SNX29: variants seen among roughly 807,000 people sequenced by gnomAD.
The protein encoded by SNX29 is sorting nexin 29.
Under a neutral mutation model 102.1 loss-of-function variants are expected in SNX29, and 78 were observed. The ratio of observed to expected loss-of-function variants is 0.76; its 90% CI spans 0.64 to 0.92. SNX29 has a LOEUF of 0.92. Among genes scored for constraint, SNX29 ranks in the 40% least tolerant of loss-of-function variants. SNX29 has a pLI of 0.00. For synonymous variants in SNX29, 580 were observed against 414.5 expected, an observed-to-expected ratio of 1.40 and a Z score of -4.85; for missense variants, 1,280 against 1,061.7, an observed-to-expected ratio of 1.21 and a Z score of -2.86.
chr16:12,551,128 G>T (rs1052655475), intron 20 of SNX29, among the ~76,000 whole-genome samples: 1 of 152,080 alleles, frequency 6.6e-6, no homozygotes, highest in Non-Finnish European at 1.5e-5. Context: ...ATGGAACAGT[G>T]GTCCACAGCT....
At chr16:12,082,522 G>A (rs2051953598) in intron 11 of SNX29, among the ~76,000 whole-genome samples, 1 of 148,612 alleles carries the variant, frequency 6.7e-6, no homozygotes, top group Non-Finnish European at 1.5e-5. Context: ...AGTTAGGCCA[G>A]TGACAGAGGC....
rs558344796 is a variant in SNX29, at chr16:12,561,736, G to T, written c.2319-6770G>T. Among the ~76,000 whole-genome samples the T allele has an allele frequency of 9.2e-5, 14 of 152,260 alleles. No homozygotes were observed. The South Asian group carries it at 2.1e-3, about 23-fold the overall frequency. ...GTGTTAAGTTGCTAGCAGCAGGGAG[G>T]ATGGAGATGGAGTTTCTGAAATGAA... On this transcript the variant is annotated intron_variant, in intron 20 of 20. Coordinates refer to ENST00000566228, the MANE Select transcript of SNX29 (RefSeq NM_032167.5).
intron 11 of SNX29, among the ~76,000 whole-genome samples, chr16:12,118,390 G>A (rs868044940): frequency 1.4e-4 from 20 of 138,200 alleles, no homozygotes; most frequent in Non-Finnish European, 2.7e-4. Flanking sequence ...GCACCATGTC[G>A]GCTCACTGCA....
At chr16:12,212,771 T>C (rs891891684) in intron 14 of SNX29, among the ~76,000 whole-genome samples, 11 of 152,214 alleles carry the variant, frequency 7.2e-5, no homozygotes, top group Non-Finnish European at 1.3e-4. Flanking sequence ...GCAAATACTT[T>C]CTTGAGTGGA....
chr16:12,410,436 C>G lies in SNX29; in HGVS notation c.2037+6907C>G, dbSNP rs568795388. On this transcript the variant is annotated intron_variant, in intron 18 of 20. Coordinates refer to ENST00000566228, the MANE Select transcript of SNX29 (RefSeq NM_032167.5). ...CATCCTGCAGAACAAAATCACATAGCCTGAGTGGTTATTATTATTACTTTG... is the reference window on the plus strand; with the variant it reads ...CATCCTGCAGAACAAAATCACATAGGCTGAGTGGTTATTATTATTACTTTG... Among the ~76,000 whole-genome samples, 11 of 152,190 alleles carry G rather than the reference C, an allele frequency of 7.2e-5. No individual in the cohort carries two copies. The East Asian group carries it at 2.1e-3, about 30-fold the overall frequency.
At chr16:12,011,464 G>A (rs1284347110) in intron 3 of SNX29, among the ~76,000 whole-genome samples, 1 of 151,684 alleles carries the variant, frequency 6.6e-6, no homozygotes, top group Non-Finnish European at 1.5e-5. Context: ...TAGTAGAGAC[G>A]GGGTTTAACC....
chr16:12,340,830 G>C (rs2081589968), intron 15 of SNX29, among the ~76,000 whole-genome samples: 2 of 152,178 alleles, frequency 1.3e-5, no homozygotes, highest in African/African-American at 4.8e-5. Flanking sequence ...CTCCAGTGGA[G>C]AGTGTTCCTC....
intron 13 of SNX29, among the ~76,000 whole-genome samples, chr16:12,163,618 A>G (rs1806105542): frequency 6.6e-6 from 1 of 152,190 alleles, no homozygotes; most frequent in Admixed American, 6.5e-5. Flanking sequence ...ACAGGAGACT[A>G]GAAATCTCCT....
Position 12,067,893 on chromosome 16 carries a change from T to C in SNX29, c.1244-1164T>C, listed in dbSNP as rs148313570. Reference sequence around the variant, plus strand: ...TTGCATGTTTTCCTGGAAGGAGACTTGAGCATTTATGAAAATTGTTCAGGT... The same window carrying C: ...TTGCATGTTTTCCTGGAAGGAGACTCGAGCATTTATGAAAATTGTTCAGGT... On this transcript the variant is annotated intron_variant, in intron 9 of 20. Coordinates refer to ENST00000566228, the MANE Select transcript of SNX29 (RefSeq NM_032167.5). Among the ~76,000 whole-genome samples, 13 of 152,336 alleles carry C rather than the reference T, an allele frequency of 8.5e-5. No individual in the cohort carries two copies. In the East Asian group the frequency reaches 2.5e-3, roughly 29 times the overall value.
At chr16:12,273,445 G>C (rs1351373342) in intron 14 of SNX29, among the ~76,000 whole-genome samples, 1 of 149,618 alleles carries the variant, frequency 6.7e-6, no homozygotes, top group Non-Finnish European at 1.5e-5. Context: ...TGCAACCTCT[G>C]CCTCCCGGAT....
chr16:12,070,869 C>T (rs1442199298), intron 10 of SNX29, among the ~76,000 whole-genome samples: 1 of 152,232 alleles, frequency 6.6e-6, no homozygotes, highest in South Asian at 2.1e-4. Context: ...GCCATTCTAA[C>T]TGGTGTGAGA....
At chr16:11,996,974 G>C (rs2056097101) in intron 1 of SNX29, among the ~76,000 whole-genome samples, 1 of 152,172 alleles carries the variant, frequency 6.6e-6, no homozygotes, top group African/African-American at 2.4e-5. Context: ...AGAATCTGCT[G>C]ACTGGTTTCA....
chr16:12,027,541 G>C, intron 4 of SNX29, 97 bp downstream of exon 4: 2 of 1,438,320 alleles, frequency 1.4e-6, no homozygotes, highest in Non-Finnish European at 9.4e-7. Flanking sequence ...CAGTGATCGC[G>C]TGGGACTTGG....
At chr16:12,220,013 T>A (rs2077434274) in intron 14 of SNX29, among the ~76,000 whole-genome samples, 1 of 152,258 alleles carries the variant, frequency 6.6e-6, no homozygotes, top group African/African-American at 2.4e-5. Context: ...TGACTGAGTG[T>A]CCTGCTTTGT....
intron 15 of SNX29, among the ~76,000 whole-genome samples, chr16:12,286,845 T>C (rs796206591): frequency 6.6e-6 from 1 of 152,254 alleles, no homozygotes; most frequent in African/African-American, 2.4e-5. Context: ...TTCCATATTA[T>C]TACATTCCTG....
At chr16:12,532,061 G>A (rs560966951) in intron 20 of SNX29, among the ~76,000 whole-genome samples, 75 of 152,288 alleles carry the variant, frequency 4.9e-4, no homozygotes, top group African/African-American at 1.7e-3. Context: ...CTGGGTCGCC[G>A]TTTACAGGAA....
rs112762328 is a variant in SNX29 at position 12,368,771 on chromosome 16, T to C, written c.1899+12492T>C. 4.9e-3 allele frequency among the ~76,000 whole-genome samples: 745 copies of C among 152,370 alleles called. 5 individuals carry two copies. The highest frequency in any genetic ancestry group is 0.017 in the African/African-American group (721 of 41,586). ...TGTTTGTGAATGCATGGTTTGAGTT[T>C]GCCGCTCACAACGTCACCTGCAGGA... On this transcript the variant is annotated intron_variant, in intron 16 of 20. Coordinates refer to ENST00000566228, the MANE Select transcript of SNX29 (RefSeq NM_032167.5).
At chr16:12,161,116 A>G (rs113170123) in intron 13 of SNX29, among the ~76,000 whole-genome samples, 2,740 of 152,292 alleles carry the variant, frequency 0.018, 83 homozygotes, top group African/African-American at 0.063. Flanking sequence ...CAGTCCCGCA[A>G]TGATTTCCAG....
intron 14 of SNX29, among the ~76,000 whole-genome samples, chr16:12,242,352 AAT>A (rs1272895007): frequency 2.4e-4 from 33 of 137,992 alleles, no homozygotes; most frequent in African/African-American, 9.0e-4. Flanking sequence ...TATATATAAT[AAT>A]ATATATATAT....
Sources: allele counts gnomAD v4.1 joint callset (sites outside exome capture counted in the v4.1 genomes callset), GRCh38; gene constraint gnomAD v4.1.1; transcripts MANE v1.5; gene names NCBI Gene and HGNC (gene_info 2026-07-23, HGNC 2026-07-21).